ADGB: variants seen among roughly 807,000 people sequenced by gnomAD.
ADGB encodes the protein androglobin, also known as calpain-7-like protein.
In ADGB, 172 loss-of-function variants were observed where a neutral mutation model predicts 210.5. That is an observed-to-expected ratio of 0.82 (90% CI 0.72 to 0.93). The LOEUF (loss-of-function observed/expected upper bound fraction) is 0.93. ADGB is among the 40% of genes least tolerant of loss of function. The pLI is 0.00. For missense variants in ADGB, 2,025 were observed against 1,964.8 expected, an observed-to-expected ratio of 1.03 and a Z score of -0.58; for synonymous variants, 658 against 662.7, an observed-to-expected ratio of 0.99 and a Z score of 0.11.
At chr6:146,751,567 A>G (rs1777322609) in intron 26 of ADGB, among the ~76,000 whole-genome samples, 1 of 152,106 alleles carries the variant, frequency 6.6e-6, no homozygotes, top group Non-Finnish European at 1.5e-5. Context: ...TGTCTTCCAC[A>G]ATGATTGAAC....
rs532347593 is a variant in ADGB, at chr6:146,784,808, G to A, written c.4212+14G>A. 5.1e-5 allele frequency: 79 copies of A among 1,537,672 alleles called. 2 individuals carry two copies. The highest frequency in any genetic ancestry group is 4.1e-4 in the South Asian group (33 of 81,420). ...AGAGCAATCAAGGTCACCTGATTTCGAAAAGCTGTCATCTTTTACTTTTCC... is the reference window on the plus strand; with the variant it reads ...AGAGCAATCAAGGTCACCTGATTTCAAAAAGCTGTCATCTTTTACTTTTCC... On this transcript the variant is annotated intron_variant, in intron 31 of 35. Transcript: ENST00000397944.
At chr6:146,808,322 T>C (rs1408258976) in intron 35 of ADGB, among the ~76,000 whole-genome samples, 33 of 152,148 alleles carry the variant, frequency 2.2e-4, no homozygotes, top group Non-Finnish European at 4.4e-5. Flanking sequence ...TTTTAAAAAC[T>C]GAACTTCAAG....
intron 1 of ADGB, among the ~76,000 whole-genome samples, chr6:146,632,564 C>T (rs369651241): frequency 1.1e-4 from 17 of 152,284 alleles, no homozygotes; most frequent in South Asian, 6.2e-4. Flanking sequence ...TCAGTGACTG[C>T]TTTCTTTTCT....
chr6:146,680,294 G>A (rs1048840835), intron 9 of ADGB, among the ~76,000 whole-genome samples: 1 of 152,150 alleles, frequency 6.6e-6, no homozygotes, highest in Non-Finnish European at 1.5e-5. Flanking sequence ...GTTAAAGATG[G>A]CAAAGCCACA....
chr6:146,806,651 TC>T (rs1228768902), intron 35 of ADGB, among the ~76,000 whole-genome samples: 1 of 152,108 alleles, frequency 6.6e-6, no homozygotes, highest in Non-Finnish European at 1.5e-5. Context: ...TCTAGAAGAG[TC>T]TTTTCAGGCT....
chr6:146,785,319 G>A (rs1777858178), intron 31 of ADGB, among the ~76,000 whole-genome samples: 1 of 151,990 alleles, frequency 6.6e-6, no homozygotes, highest in Non-Finnish European at 1.5e-5. Flanking sequence ...AGGGTTATTG[G>A]GCAGATGAAA....
At chr6:146,780,180 T>C (rs1777778967) in intron 29 of ADGB, among the ~76,000 whole-genome samples, 1 of 151,954 alleles carries the variant, frequency 6.6e-6, no homozygotes, top group African/African-American at 2.4e-5. Context: ...GGTTATAAAT[T>C]AACATTTTAA....
chr6:146,672,346 A>C lies in ADGB; in HGVS notation c.966A>C (p.Lys322Asn), dbSNP rs1776021776. 6.4e-7 allele frequency: 1 copy of C among 1,551,502 alleles called. No individual in the cohort carries two copies. Among genetic ancestry groups the C allele is most frequent in the Non-Finnish European group, 8.7e-7 (1 of 1,146,836 alleles). Residue 322 changes from lysine (K) to asparagine (N), a missense_variant, in exon 8 of 36, where the codon AAA (lysine) becomes AAC (asparagine). Lys to Asn is a moderately conservative substitution (Grantham distance 94). Transcript: ENST00000397944. ...ATTCTAAATTAAAAGAACCAGGGAA[A>C]GAAGGGAAGGAGGGAAAAGAAATAA... The part of the protein sequence containing the change: ...VLDSKLKEPG[K>N]EGKEGKEIKD...
chr6:146,688,090 C>G (rs924718850), intron 10 of ADGB, among the ~76,000 whole-genome samples: 1 of 152,070 alleles, frequency 6.6e-6, no homozygotes, highest in African/African-American at 2.4e-5. Context: ...AATATGCTAT[C>G]TTCTGAAGAT....
intron 13 of ADGB, among the ~76,000 whole-genome samples, chr6:146,702,436 A>G (rs1186309431): frequency 6.6e-6 from 1 of 151,936 alleles, no homozygotes; most frequent in African/African-American, 2.4e-5. Context: ...AGACCTTGGC[A>G]ATGACCTTGA....
At chr6:146,663,345 G>C (rs750750409) in intron 5 of ADGB, among the ~76,000 whole-genome samples, 6 of 151,432 alleles carry the variant, frequency 4.0e-5, no homozygotes, top group Admixed American at 2.0e-4. Context: ...GGAAGTGTGA[G>C]ATCAAGGCAC....
At chr6:146,675,989 TA>T (rs1348353815) in intron 8 of ADGB, among the ~76,000 whole-genome samples, 1 of 152,102 alleles carries the variant, frequency 6.6e-6, no homozygotes, top group Non-Finnish European at 1.5e-5. Flanking sequence ...TTTTTATTTT[TA>T]AAATGAGAAA....
intron 1 of ADGB, among the ~76,000 whole-genome samples, chr6:146,610,545 G>A (rs1424829273): frequency 6.6e-6 from 1 of 152,116 alleles, no homozygotes; most frequent in African/African-American, 2.4e-5. Context: ...AGCCCTTGAG[G>A]GTTTGAGCAT....
chr6:146,728,478 A>G (rs1438539903), intron 19 of ADGB, 96 bp from the exon 20 acceptor site: 1 of 1,204,198 alleles, frequency 8.3e-7, no homozygotes, highest in Non-Finnish European at 1.1e-6. Flanking sequence ...ATTGAATCAT[A>G]TAGCAGAGAT....
At chr6:146,676,625 C>T (rs73787503) in intron 9 of ADGB, among the ~76,000 whole-genome samples, 184 bp downstream of exon 9, 1 of 152,160 alleles carries the variant, frequency 6.6e-6, no homozygotes, top group African/African-American at 2.4e-5. Context: ...ATGACAGAAG[C>T]CTGTTGTCCA....
Position 146,598,993 on chromosome 6 carries a change from C to A in ADGB, c.-48C>A. 6.6e-7 allele frequency: 1 copy of A among 1,510,668 alleles called. No homozygotes were observed. Among genetic ancestry groups the A allele is most frequent in the Non-Finnish European group, 9.0e-7 (1 of 1,110,430 alleles). 93.6% of individuals were successfully genotyped at this position (1,510,668 alleles called of 1,614,324 possible). ...ACGCAGACGCGGAGCCGAGCGCGCC[C>A]GCAGGCTCTTTGCTCAGAGCTCAGC... On this transcript the variant is annotated 5_prime_UTR_variant, in exon 1 of 36. Coordinates refer to ENST00000397944, the MANE Select transcript of ADGB (RefSeq NM_024694.4).
chr6:146,771,711 T>G (rs543898434), intron 29 of ADGB, among the ~76,000 whole-genome samples: 9 of 152,358 alleles, frequency 5.9e-5, no homozygotes, highest in Non-Finnish European at 1.0e-4. Flanking sequence ...CCAGTGGAAT[T>G]AAATATTTTA....
chr6:146,693,688 T>C (rs1036906097), intron 12 of ADGB, among the ~76,000 whole-genome samples: 3 of 152,144 alleles, frequency 2.0e-5, no homozygotes, highest in Admixed American at 6.6e-5. Flanking sequence ...AGGCTGAGAA[T>C]TGTCCAAATC....
chr6:146,707,879 T>G (rs1479229351), intron 13 of ADGB, among the ~76,000 whole-genome samples: 2 of 152,090 alleles, frequency 1.3e-5, no homozygotes, highest in Non-Finnish European at 2.9e-5. Flanking sequence ...GTTATTTCAT[T>G]AATTTTTTTC....
Sources: allele counts gnomAD v4.1 joint callset (sites outside exome capture counted in the v4.1 genomes callset), GRCh38; gene constraint gnomAD v4.1.1; transcripts MANE v1.5; gene names NCBI Gene and HGNC (gene_info 2026-07-23, HGNC 2026-07-21).